IFT52: variants seen among roughly 807,000 people sequenced by gnomAD.
The protein encoded by IFT52 is intraflagellar transport 52.
IFT52 carries 44 observed loss-of-function variants against 54.4 expected under a neutral mutation model. The ratio of observed to expected loss-of-function variants is 0.81; its 90% CI spans 0.63 to 1.04. The LOEUF (loss-of-function observed/expected upper bound fraction) is 1.04. Ranked by LOEUF, IFT52 falls within the 50% of genes least tolerant of loss-of-function variation. The pLI, the probability that IFT52 is intolerant of heterozygous loss-of-function variation, is 0.00. For synonymous variants in IFT52, 181 were observed against 185.3 expected (o/e 0.98, Z 0.19); for missense variants, 452 against 523.6 (o/e 0.86, Z 1.33).
At chr20:43,603,350 A>G (rs1247476187) in intron 3 of IFT52, among the ~76,000 whole-genome samples, 6 of 152,168 alleles carry the variant, frequency 3.9e-5, no homozygotes, top group Non-Finnish European at 8.8e-5. Flanking sequence ...GTGGTTCTTA[A>G]CTAGGGGTGA....
chr20:43,638,215 A>C (rs969559397), intron 12 of IFT52, among the ~76,000 whole-genome samples: 1 of 151,052 alleles, frequency 6.6e-6, no homozygotes, highest in Admixed American at 6.6e-5. Context: ...TTTGAGACAA[A>C]GTTTCACTCT....
At chr20:43,635,850 C>T (rs757191189) in intron 10 of IFT52, 76 bp from the exon 11 acceptor site, 112 of 1,307,684 alleles carry the variant, frequency 8.6e-5, no homozygotes, top group Non-Finnish European at 1.1e-4. Flanking sequence ...TCATGGAGAA[C>T]AACACAGTGT....
chr20:43,591,133 C>G (rs1981475785), intron 1 of IFT52, 79 bp downstream of exon 1: 1 of 152,488 alleles, frequency 6.6e-6, no homozygotes, highest in East Asian at 1.9e-4. Flanking sequence ...CCGCACTCTT[C>G]GAGGCCGCTG....
intron 12 of IFT52, among the ~76,000 whole-genome samples, chr20:43,640,655 T>A (rs1489774926): frequency 6.6e-6 from 1 of 152,118 alleles, no homozygotes; most frequent in Non-Finnish European, 1.5e-5. Context: ...AGAACTAGGA[T>A]GAAACATTGA....
chr20:43,597,813 G>C (rs1333470714), intron 3 of IFT52, among the ~76,000 whole-genome samples: 4 of 143,608 alleles, frequency 2.8e-5, no homozygotes, highest in African/African-American at 1.0e-4. Context: ...AGAATCACTT[G>C]AACCTGGGAG....
intron 6 of IFT52, among the ~76,000 whole-genome samples, chr20:43,608,117 G>A (rs992100613): frequency 6.6e-6 from 1 of 152,148 alleles, no homozygotes; most frequent in Non-Finnish European, 1.5e-5. Context: ...GCTTCGGCTC[G>A]GCATCAGAGG....
intron 6 of IFT52, among the ~76,000 whole-genome samples, chr20:43,608,627 G>C (rs926294801): frequency 6.6e-6 from 1 of 152,142 alleles, no homozygotes; most frequent in African/African-American, 2.4e-5. Flanking sequence ...AATGTGGTCC[G>C]GGTACCGTGG....
At chr20:43,622,251 T>C (rs1236588825) in intron 9 of IFT52, among the ~76,000 whole-genome samples, 2 of 152,170 alleles carry the variant, frequency 1.3e-5, no homozygotes, top group South Asian at 2.1e-4. Flanking sequence ...TATTTCCTTA[T>C]GTGGAAACAT....
Position 43,623,977 on chromosome 20 carries a change from G to A in IFT52, c.855G>A (p.Arg285=). Residue 285 remains arginine (R), a synonymous_variant, in exon 10 of 14, where the codon AGG becomes AGA. Coordinates refer to ENST00000373030, the MANE Select transcript of IFT52 (RefSeq NM_016004.5). ...TCCAGGAGAGTGATGAGATCCCAAG[G>A]GACTTTACCACCCTCTTCGACCTGT... is the stretch of plus-strand genomic sequence containing the variant. ...ECLQESDEIP[R]DFTTLFDLSI... is the part of the protein sequence containing the mutation. 2 of 1,614,056 alleles carry A rather than the reference G, an allele frequency of 1.2e-6. No homozygotes were observed. The highest frequency in any genetic ancestry group is 2.2e-5 in the East Asian group (1 of 44,880).
chr20:43,606,898 T>C (rs1393516246), intron 6 of IFT52, among the ~76,000 whole-genome samples: 4 of 152,256 alleles, frequency 2.6e-5, no homozygotes, highest in African/African-American at 9.6e-5. Flanking sequence ...AGCACAGGGT[T>C]GGGGGTAAGG....
intron 6 of IFT52, among the ~76,000 whole-genome samples, chr20:43,607,966 G>A (rs1335845509): frequency 1.3e-5 from 2 of 152,210 alleles, no homozygotes; most frequent in African/African-American, 2.4e-5. Context: ...CCAACACAGC[G>A]AAACCCCGTC....
At chr20:43,608,422 A>G (rs1007974340) in intron 6 of IFT52, among the ~76,000 whole-genome samples, 2 of 152,122 alleles carry the variant, frequency 1.3e-5, no homozygotes, top group African/African-American at 4.8e-5. Flanking sequence ...AGTGCATAGG[A>G]TGACCTTTAA....
intron 6 of IFT52, among the ~76,000 whole-genome samples, chr20:43,606,490 T>A (rs1982894568): frequency 6.6e-6 from 1 of 151,994 alleles, no homozygotes. Context: ...GTCAGGCTGG[T>A]CTTGAACTCC....
Position 43,603,741 on chromosome 20 carries a change from G to T in IFT52, c.208-19G>T. 6.2e-7 allele frequency: 1 copy of T among 1,608,084 alleles called. No individual in the cohort carries two copies. Among genetic ancestry groups the T allele is most frequent in the Non-Finnish European group, 8.5e-7 (1 of 1,177,596 alleles). On this transcript the variant is annotated intron_variant, in intron 3 of 13. Transcript: ENST00000373030. The stretch of plus-strand genomic sequence containing the variant: ...AGTCTTTCAAGTATATTCATAGATT[G>T]CTTTTTTCCTTTGTGTAGTTTGAAA...
chr20:43,640,144 A>C (rs865941035), intron 12 of IFT52, among the ~76,000 whole-genome samples: 8 of 152,242 alleles, frequency 5.3e-5, no homozygotes, highest in Middle Eastern at 3.4e-3. Context: ...AACCTGGTTG[A>C]CAGAGCGAGA....
chr20:43,591,007 C>G lies in IFT52; in HGVS notation c.-54C>G, dbSNP rs1981459003. The G allele has an allele frequency of 6.6e-6, 1 of 152,286 alleles. No individual in the cohort carries two copies. The allele number at this position is 152,286 out of a possible 1,614,324, so 9.4% of individuals were successfully genotyped here. A position where few individuals can be genotyped will look rare whatever the true frequency, so the allele number is the denominator to read the frequency against. Reference sequence around the variant, plus strand: ...TACTAAGCGGCCTTGGATACCTGGCCGCGGGATGCTGGGCGGCGTCAGGTG... The same window carrying G: ...TACTAAGCGGCCTTGGATACCTGGCGGCGGGATGCTGGGCGGCGTCAGGTG... On this transcript the variant is annotated 5_prime_UTR_variant, in exon 1 of 14. Coordinates refer to ENST00000373030, the MANE Select transcript of IFT52 (RefSeq NM_016004.5).
chr20:43,616,533 T>G (rs1354648119), intron 7 of IFT52, among the ~76,000 whole-genome samples: 1 of 149,530 alleles, frequency 6.7e-6, no homozygotes, highest in South Asian at 2.1e-4. Context: ...AAAAGTAATA[T>G]TGTAGAAATG....
At chr20:43,594,562 G>A (rs1981782260) in intron 1 of IFT52, 131 bp from the exon 2 acceptor site, 2 of 611,682 alleles carry the variant, frequency 3.3e-6, no homozygotes, top group South Asian at 4.2e-5. Context: ...GAGAATTGTA[G>A]GAGTTTCCTA....
At chr20:43,626,422 T>G (rs965496556) in intron 10 of IFT52, among the ~76,000 whole-genome samples, 1 of 151,982 alleles carries the variant, frequency 6.6e-6, no homozygotes, top group Non-Finnish European at 1.5e-5. Flanking sequence ...ATTTTTGTAT[T>G]TTTAGTAGAG....
Sources: gnomAD v4.1 joint callset for allele counts (sites outside exome capture counted in the v4.1 genomes callset) on GRCh38, gnomAD v4.1.1 for gene constraint, MANE v1.5 for transcripts, NCBI Gene and HGNC (gene_info 2026-07-23, HGNC 2026-07-21) for gene names.